Variants in KIDINS220 observed in about 807,000 individuals in gnomAD.
The protein encoded by KIDINS220 is kinase D interacting substrate 220.
Under a neutral mutation model 157.6 loss-of-function variants are expected in KIDINS220, and 63 were observed. That is an observed-to-expected ratio of 0.40 (90% CI 0.33 to 0.49). KIDINS220 has a LOEUF of 0.49. Ranked by LOEUF, KIDINS220 falls within the 20% of genes least tolerant of loss-of-function variation. The pLI, the probability that KIDINS220 is intolerant of heterozygous loss-of-function variation, is 0.66. For synonymous variants in KIDINS220, 732 were observed against 783.6 expected (o/e 0.93, Z 1.10); for missense variants, 1,772 against 2,171.2 (o/e 0.82, Z 3.65).
intron 26 of KIDINS220, 31 bp from the exon 27 acceptor site, chr2:8,737,030 A>C (rs754350921): frequency 1.2e-6 from 2 of 1,611,168 alleles, no homozygotes; most frequent in South Asian, 2.2e-5. Context: ...TACAGGTATG[A>C]ATAAGCATTT....
chr2:8,827,028 T>C lies in KIDINS220; in HGVS notation c.66A>G (p.Lys22=). The C allele has an allele frequency of 6.2e-7, 1 of 1,610,642 alleles. No individual in the cohort carries two copies. Among genetic ancestry groups the C allele is most frequent in the East Asian group, 2.2e-5 (1 of 44,752 alleles). The change falls in exon 2 of 30, where the codon AAA becomes AAG. Residue 22 remains lysine, a synonymous_variant. Transcript: ENST00000256707. ...CATCTTTGCATTTTTCAAGAAGAGC[T>C]TTCAGAGCAGGAATGTTTTCTTCCT... ...YVEEENIPAL[K]ALLEKCKDVD... is the part of the protein sequence containing the mutation.
At chr2:8,833,955 A>C (rs1302370778) in intron 1 of KIDINS220, among the ~76,000 whole-genome samples, 1 of 152,202 alleles carries the variant, frequency 6.6e-6, no homozygotes, top group South Asian at 2.1e-4. Context: ...GACACAGTGC[A>C]TGAAAGCAAC....
rs1404926222 is a variant in KIDINS220 at position 8,736,159 on chromosome 2, T to C, written c.3717+709A>G. On this transcript the variant is annotated intron_variant, in intron 27 of 29. Coordinates refer to ENST00000256707, the MANE Select transcript of KIDINS220 (RefSeq NM_020738.4). ...TTCTCTCAGATGTCATTCTTTCAAG[T>C]ATATAAATATTAGAGGCTGGTTATT... Among the ~76,000 whole-genome samples the C allele has an allele frequency of 3.9e-5, 6 of 152,258 alleles. No homozygotes were observed. The East Asian group carries it at 1.2e-3, about 29-fold the overall frequency.
Position 8,744,400 on chromosome 2 carries a change from T to A in KIDINS220, c.3585+2745A>T, listed in dbSNP as rs1209869419. 3.8e-3 allele frequency among the ~76,000 whole-genome samples: 89 copies of A among 23,668 alleles called. 13 individuals carry two copies. The highest frequency in any genetic ancestry group is 0.016 in the African/African-American group (79 of 4,828). 15.5% of individuals were successfully genotyped at this position (23,668 alleles called of 152,430 possible). ...AAAAAAAAAAAAAAATATATATATA[T>A]AATATATATATATATATATATATAT... On this transcript the variant is annotated intron_variant, in intron 26 of 29. Transcript: ENST00000256707.
At chr2:8,828,068 A>T (rs757436163) in intron 1 of KIDINS220, among the ~76,000 whole-genome samples, 1 of 152,142 alleles carries the variant, frequency 6.6e-6, no homozygotes, top group Non-Finnish European at 1.5e-5. Context: ...GGGTGCTCAA[A>T]GTAAAATCAA....
chr2:8,816,753 T>C (rs1488265297), intron 4 of KIDINS220, among the ~76,000 whole-genome samples: 1 of 152,228 alleles, frequency 6.6e-6, no homozygotes, highest in East Asian at 1.9e-4. Context: ...CCCTAAACTT[T>C]CACTGCAACG....
At chr2:8,721,772 C>T (rs990207464), downstream of KIDINS220, 7 of 152,248 alleles carry the variant, frequency 4.6e-5, no homozygotes, top group African/African-American at 1.7e-4. Flanking sequence ...CACTCAGTAG[C>T]TGTGTGACTT....
intron 1 of KIDINS220, among the ~76,000 whole-genome samples, chr2:8,830,644 C>T (rs535527636): frequency 6.6e-6 from 1 of 152,230 alleles, no homozygotes; most frequent in South Asian, 2.1e-4. Flanking sequence ...GTCTCAAACT[C>T]CTGGGCTCAA....
At chr2:8,725,819 C>CA (rs1663247999), downstream of KIDINS220, among the ~76,000 whole-genome samples, 1 of 152,162 alleles carries the variant, frequency 6.6e-6, no homozygotes, top group Non-Finnish European at 1.5e-5. Flanking sequence ...TTCATTTACT[C>CA]ACGTTCTAAG....
intron 11 of KIDINS220, among the ~76,000 whole-genome samples, chr2:8,795,433 A>G (rs1339031042): frequency 1.3e-5 from 2 of 152,234 alleles, no homozygotes; most frequent in Non-Finnish European, 2.9e-5. Flanking sequence ...ACAGGCTGAA[A>G]ATAATCAGAG....
chr2:8,782,124 T>C (rs889476287), intron 17 of KIDINS220, among the ~76,000 whole-genome samples: 2 of 151,090 alleles, frequency 1.3e-5, no homozygotes, highest in African/African-American at 4.9e-5. Context: ...AAAAAATAAA[T>C]AAATAAAAAT....
intron 25 of KIDINS220, 186 bp downstream of exon 25, chr2:8,747,700 AT>A: frequency 2.5e-6 from 1 of 401,724 alleles, no homozygotes. Context: ...ACTGCTAGTC[AT>A]TTTCCTTCCA....
intron 22 of KIDINS220, among the ~76,000 whole-genome samples, chr2:8,764,269 A>G (rs928141321): frequency 3.9e-5 from 6 of 152,000 alleles, no homozygotes; most frequent in African/African-American, 1.5e-4. Context: ...AAGGCTAGGG[A>G]AAAAAAACTA....
chr2:8,825,419 G>A (rs1244722855), intron 2 of KIDINS220, among the ~76,000 whole-genome samples: 2 of 145,510 alleles, frequency 1.4e-5, no homozygotes, highest in Non-Finnish European at 3.0e-5. Context: ...CAACAATGGA[G>A]AAATACTTAA....
At chr2:8,747,639 T>C (rs1666768408) in intron 25 of KIDINS220, 2 of 362,208 alleles carry the variant, frequency 5.5e-6, no homozygotes, top group African/African-American at 2.1e-5. Context: ...AAACACTATA[T>C]TACAAGCCAG....
chr2:8,811,631 C>A (rs1398296162), intron 6 of KIDINS220, among the ~76,000 whole-genome samples: 1 of 152,068 alleles, frequency 6.6e-6, no homozygotes, highest in African/African-American at 2.4e-5. Flanking sequence ...AAGAAGTGAG[C>A]CTGCAAGACA....
chr2:8,741,712 G>A (rs1157947815), intron 26 of KIDINS220, among the ~76,000 whole-genome samples: 2 of 152,146 alleles, frequency 1.3e-5, no homozygotes, highest in African/African-American at 4.8e-5. Flanking sequence ...TTATTTCTGT[G>A]AAAATATCCC....
At chr2:8,754,870 G>C (rs913356756) in intron 22 of KIDINS220, among the ~76,000 whole-genome samples, 3 of 152,104 alleles carry the variant, frequency 2.0e-5, no homozygotes, top group Non-Finnish European at 4.4e-5. Flanking sequence ...TCATTATTTA[G>C]TAGGATGTTA....
At chr2:8,791,005 C>T (rs1037413965) in intron 13 of KIDINS220, 55 bp downstream of exon 13, 15 of 1,506,624 alleles carry the variant, frequency 1.0e-5, no homozygotes, top group Non-Finnish European at 1.3e-5. Context: ...TCAGAAAAAT[C>T]CCCAGAGAAA....
Sources: allele counts gnomAD v4.1 joint callset (sites outside exome capture counted in the v4.1 genomes callset), GRCh38; gene constraint gnomAD v4.1.1; transcripts MANE v1.5; gene names NCBI Gene and HGNC (gene_info 2026-07-23, HGNC 2026-07-21).